NOX4: variants seen among roughly 807,000 people sequenced by gnomAD.
The protein encoded by NOX4 is kidney oxidase-1.
A neutral mutation model predicts 87.6 loss-of-function variants in NOX4; 69 were observed. The ratio of observed to expected loss-of-function variants is 0.79; its 90% CI spans 0.65 to 0.96. NOX4 has a LOEUF of 0.96. Ranked by LOEUF, NOX4 falls within the 40% of genes least tolerant of loss-of-function variation. The pLI is 0.00. For missense variants in NOX4, 680 were observed against 681.5 expected (o/e 1.00, Z 0.02); for synonymous variants, 275 against 238.2 (o/e 1.15, Z -1.42).
chr11:89,555,641 G>A, the NOX4 span, among the ~76,000 whole-genome samples: 5,277 of 152,014 alleles, frequency 0.035, 320 homozygotes, highest in East Asian at 0.19. Context: ...AATTTGGGAC[G>A]GGAAAGGCAG....
intron 2 of NOX4, 69 bp from the exon 3 acceptor site, chr11:89,451,964 C>G: frequency 9.9e-7 from 1 of 1,006,342 alleles, no homozygotes; most frequent in Non-Finnish European, 1.6e-6. Flanking sequence ...GCTCTAGAAG[C>G]TAGAGGTCTC....
chr11:89,408,766 G>A (rs1290611471), intron 8 of NOX4, among the ~76,000 whole-genome samples: 2 of 152,222 alleles, frequency 1.3e-5, no homozygotes, highest in East Asian at 1.9e-4. Flanking sequence ...CAGGTGCACC[G>A]GACCTTGCTC....
upstream of NOX4, among the ~76,000 whole-genome samples, chr11:89,496,200 C>T (rs1382981190): frequency 6.6e-6 from 1 of 152,134 alleles, no homozygotes; most frequent in African/African-American, 2.4e-5. Context: ...CTGATTCAGT[C>T]ATTTAGGAAT....
chr11:89,561,015 T>TATATATATATACAC, the NOX4 span, among the ~76,000 whole-genome samples: 4 of 80,532 alleles, frequency 5.0e-5, no homozygotes, highest in African/African-American at 1.2e-4. Context: ...TATATATATA[T>TATATATATATACAC]ATATACATAC....
rs1470647209 is a variant in NOX4 at position 89,342,080 on chromosome 11, G to T, written c.1331C>A (p.Thr444Asn). Residue 444 changes from threonine (T) to asparagine (N), a missense_variant, in exon 14 of 18, where the codon ACC (threonine) becomes AAC (asparagine). Coordinates refer to ENST00000263317, the MANE Select transcript of NOX4 (RefSeq NM_016931.5). The stretch of plus-strand genomic sequence containing the variant: ...ATAGATCAAAATGACATACAACAGG[G>T]TGTTGAGTATTGATGCAAATGGAGT... ...GVTPFASILN[T>N]LLDDWKPYKL... 1.9e-6 allele frequency: 3 copies of T among 1,611,672 alleles called. No individual in the cohort carries two copies. The highest frequency in any genetic ancestry group is 1.7e-5 in the Admixed American group (1 of 59,830).
intron 13 of NOX4, among the ~76,000 whole-genome samples, chr11:89,346,824 T>C (rs1404700467): frequency 6.6e-6 from 1 of 152,218 alleles, no homozygotes; most frequent in African/African-American, 2.4e-5. Flanking sequence ...ATCTTTACAA[T>C]TTAAGCAGTG....
intron 17 of NOX4, among the ~76,000 whole-genome samples, chr11:89,333,889 A>G (rs1409450876): frequency 6.6e-6 from 1 of 151,772 alleles, no homozygotes; most frequent in Non-Finnish European, 1.5e-5. Context: ...ACAAAATGTC[A>G]ACAGCAGATG....
intron 5 of NOX4, among the ~76,000 whole-genome samples, chr11:89,443,149 G>A (rs777792022): frequency 6.6e-6 from 1 of 151,990 alleles, no homozygotes; most frequent in African/African-American, 2.4e-5. Flanking sequence ...AGATCATGTT[G>A]GTATTTTTTA....
At chr11:89,535,139 A>G in the NOX4 span, among the ~76,000 whole-genome samples, 1 of 152,192 alleles carries the variant, frequency 6.6e-6, no homozygotes, top group East Asian at 1.9e-4. Flanking sequence ...CAAGGAAAAA[A>G]AGGAAGAATA....
In NOX4 at chr11:89,399,434, T is replaced by TATATATATAA. The variant is rs67444176; in HGVS notation, c.1074+582_1074+583insTTATATATAT. On this transcript the variant is annotated intron_variant, in intron 11 of 17. Transcript: ENST00000263317. ...AAAAGTAAATATTCAAGAAATTAAA[T>TATATATATAA]ATATATATATATATATATATATATA... Among the ~76,000 whole-genome samples, 466 of 63,078 alleles carry TATATATATAA rather than the reference T, an allele frequency of 7.4e-3. 6 individuals are homozygous for TATATATATAA. Among genetic ancestry groups the TATATATATAA allele is most frequent in the African/African-American group, 0.019 (245 of 13,226 alleles). The allele number at this position is 63,078 out of a possible 152,430, so 41.4% of individuals were successfully genotyped here. A position where few individuals can be genotyped will look rare whatever the true frequency, so the allele number is the denominator to read the frequency against.
chr11:89,520,904 C>T, the NOX4 span, among the ~76,000 whole-genome samples: 1 of 152,106 alleles, frequency 6.6e-6, no homozygotes, highest in Non-Finnish European at 1.5e-5. Flanking sequence ...CAATAACATT[C>T]AAGCTGACAG....
chr11:89,577,306 G>C, the NOX4 span: 1 of 152,132 alleles, frequency 6.6e-6, no homozygotes, highest in East Asian at 1.9e-4. Flanking sequence ...GATAGATCTA[G>C]AAGATTAAGT....
rs776719068 is a variant in NOX4, at chr11:89,326,908, G to A, written c.1617-32C>T. 10 of 1,610,528 alleles carry A rather than the reference G, an allele frequency of 6.2e-6. No individual in the cohort carries two copies. The Admixed American group carries it at 1.7e-4, about 27-fold the overall frequency. Reference sequence around the variant, plus strand: ...CAAGAGCAGAGAAAATGGAAAATCAGGTGTAAAATTAGGCAGAACATGACA... The same window carrying A: ...CAAGAGCAGAGAAAATGGAAAATCAAGTGTAAAATTAGGCAGAACATGACA... On this transcript the variant is annotated intron_variant, in intron 17 of 17. Transcript: ENST00000263317.
chr11:89,438,497 CAGCA>C, intron 6 of NOX4, among the ~76,000 whole-genome samples: 17 of 91,354 alleles, frequency 1.9e-4, no homozygotes, highest in African/African-American at 8.2e-4. Context: ...ATATAATATA[CAGCA>C]TATATATTAT....
intron 8 of NOX4, among the ~76,000 whole-genome samples, chr11:89,410,129 T>G (rs1942399393): frequency 6.6e-6 from 1 of 152,016 alleles, no homozygotes; most frequent in South Asian, 2.1e-4. Flanking sequence ...GCCACAGAAA[T>G]GCATAAAGAC....
intron 1 of NOX4, chr11:89,490,960 A>G (rs545077953): frequency 1.4e-5 from 9 of 659,160 alleles, no homozygotes; most frequent in Non-Finnish European, 2.6e-5. Flanking sequence ...CTCTTCCTCC[A>G]CATCTCTCCC....
chr11:89,579,931 T>C, the NOX4 span, among the ~76,000 whole-genome samples: 1 of 151,864 alleles, frequency 6.6e-6, no homozygotes, highest in Non-Finnish European at 1.5e-5. Context: ...AAAAAGACCA[T>C]TTAGAAGATA....
chr11:89,374,580 G>A lies in NOX4; in HGVS notation c.1075-1088C>T, dbSNP rs533400889. ...ATAGATAAGAAAATTGAGTAATTAA[G>A]GCTTAAAATATTGACTTGCCCAATA... is the stretch of plus-strand genomic sequence containing the variant. On this transcript the variant is annotated intron_variant, in intron 11 of 17. Transcript: ENST00000263317. Among the ~76,000 whole-genome samples, 95 of 152,156 alleles carry A rather than the reference G, an allele frequency of 6.2e-4. 1 individual carries two copies. The highest frequency in any genetic ancestry group is 1.2e-3 in the Non-Finnish European group (84 of 68,020).
At chr11:89,464,320 A>G (rs1458678643) in intron 2 of NOX4, among the ~76,000 whole-genome samples, 1 of 152,070 alleles carries the variant, frequency 6.6e-6, no homozygotes, top group Non-Finnish European at 1.5e-5. Flanking sequence ...TTTCTCATAC[A>G]TGTTTGTTCC....
Sources: allele counts gnomAD v4.1 joint callset (sites outside exome capture counted in the v4.1 genomes callset), GRCh38; gene constraint gnomAD v4.1.1; transcripts MANE v1.5; gene names NCBI Gene and HGNC (gene_info 2026-07-23, HGNC 2026-07-21).